Variants in C9 observed in about 807,000 individuals in gnomAD.
C9 encodes complement component C9.
C9 carries 63 observed loss-of-function variants against 65.4 expected under a neutral mutation model. The ratio of observed to expected loss-of-function variants is 0.96; its 90% CI spans 0.79 to 1.19. C9 has a LOEUF of 1.19. Among genes scored for constraint, C9 ranks in the 50% most tolerant of loss-of-function variants. The pLI is 0.00. For missense variants in C9, 744 were observed against 670.1 expected, an observed-to-expected ratio of 1.11 and a Z score of -1.22; for synonymous variants, 229 against 227.9, an observed-to-expected ratio of 1.00 and a Z score of -0.04.
chr5:39,347,579 A>T (rs2111967480), intron 1 of C9, among the ~76,000 whole-genome samples: 1 of 152,332 alleles, frequency 6.6e-6, no homozygotes, highest in East Asian at 1.9e-4. Context: ...CAATATCGTG[A>T]AAATGGCCGT....
intron 5 of C9, among the ~76,000 whole-genome samples, chr5:39,327,372 A>T (rs1228972193): frequency 6.6e-6 from 1 of 152,214 alleles, no homozygotes; most frequent in Non-Finnish European, 1.5e-5. Flanking sequence ...CTACATGAGA[A>T]GTGATGGGAG....
intron 6 of C9, among the ~76,000 whole-genome samples, chr5:39,313,967 C>T (rs1301479298): frequency 2.0e-5 from 3 of 152,064 alleles, no homozygotes; most frequent in African/African-American, 7.2e-5. Context: ...TTGCTCAGGC[C>T]AAAAACCTTG....
chr5:39,333,847 C>T (rs538172394), intron 4 of C9, among the ~76,000 whole-genome samples: 22 of 152,228 alleles, frequency 1.4e-4, no homozygotes, highest in South Asian at 4.1e-4. Context: ...CTCCTAACCG[C>T]GAGTGATCCG....
In C9 at chr5:39,285,097, A is replaced by G. The variant is rs1245455649; in HGVS notation, c.*102T>C. The G allele has an allele frequency of 1.9e-5, 18 of 943,906 alleles. No individual in the cohort carries two copies. Among genetic ancestry groups the G allele is most frequent in the Non-Finnish European group, 3.1e-5 (18 of 571,854 alleles). The allele number at this position is 943,906 out of a possible 1,614,324, so 58.5% of individuals were successfully genotyped here. Reference sequence around the variant, plus strand: ...TCAGAGGTTGGTAGGATTTTCATGAAGCATGTTGCTATTTACTTGGCAGCT... The same window carrying G: ...TCAGAGGTTGGTAGGATTTTCATGAGGCATGTTGCTATTTACTTGGCAGCT... On this transcript the variant is annotated 3_prime_UTR_variant, in exon 11 of 11. Coordinates refer to ENST00000263408, the MANE Select transcript of C9 (RefSeq NM_001737.5).
intron 1 of C9, among the ~76,000 whole-genome samples, chr5:39,363,250 G>A (rs372697460): frequency 8.2e-4 from 125 of 152,280 alleles, no homozygotes; most frequent in South Asian, 7.7e-3. Flanking sequence ...ATGGAAAGAG[G>A]AGGGATGAAG....
intron 7 of C9, among the ~76,000 whole-genome samples, chr5:39,310,238 G>T (rs886264187): frequency 6.6e-6 from 1 of 151,976 alleles, no homozygotes; most frequent in Non-Finnish European, 1.5e-5. Context: ...CTTAACACCT[G>T]ATACCTTGAC....
chr5:39,327,232 T>A (rs1292704510), intron 5 of C9, among the ~76,000 whole-genome samples: 2 of 152,140 alleles, frequency 1.3e-5, no homozygotes, highest in African/African-American at 4.8e-5. Context: ...AGGCTATAGA[T>A]AGACACTCAC....
At chr5:39,298,664 C>T (rs1753230216) in intron 9 of C9, among the ~76,000 whole-genome samples, 1 of 151,562 alleles carries the variant, frequency 6.6e-6, no homozygotes, top group Non-Finnish European at 1.5e-5. Flanking sequence ...GTGAATTCTA[C>T]AAACATTTAA....
chr5:39,355,018 G>A (rs1232002511), intron 1 of C9, among the ~76,000 whole-genome samples: 1 of 152,152 alleles, frequency 6.6e-6, no homozygotes, highest in Non-Finnish European at 1.5e-5. Context: ...TGCTGTTGTT[G>A]CCTTGAACTG....
At position 39,288,221 on chromosome 5, in the gene C9, G is replaced by C. The variant is rs182315842; in HGVS notation, c.1645+502C>G. On this transcript the variant is annotated intron_variant, in intron 10 of 10. Transcript: ENST00000263408. The stretch of plus-strand genomic sequence containing the variant: ...ACATACCAACTTAATGAAAGTGACT[G>C]TATCTGAGTAGTAGAAGAGAGAAAA... 3.0e-3 allele frequency among the ~76,000 whole-genome samples: 460 copies of C among 151,924 alleles called. 1 individual carries two copies. Among genetic ancestry groups the C allele is most frequent in the African/African-American group, 0.011 (450 of 41,526 alleles).
At chr5:39,328,268 T>C (rs1753785710) in intron 5 of C9, among the ~76,000 whole-genome samples, 1 of 152,204 alleles carries the variant, frequency 6.6e-6, no homozygotes, top group Admixed American at 6.5e-5. Context: ...GTATTCTCTG[T>C]CAAGTTGGAG....
rs765507796 is a variant in C9 at position 39,288,902 on chromosome 5, A to AG, written c.1465dup (p.Leu489ProfsTer11). 57 of 1,611,388 alleles carry AG rather than the reference A, an allele frequency of 3.5e-5. No homozygotes were observed. The highest frequency in any genetic ancestry group is 5.0e-5 in the Admixed American group (3 of 59,810). On this transcript the variant is annotated frameshift_variant, in exon 10 of 11. Transcript: ENST00000263408. LOFTEE classifies it high-confidence loss of function. The stretch of plus-strand genomic sequence containing the variant: ...GGCTCTTTCCAAGTTTTGTTTCTTT[A>AG]GGTGTGCATTTTTCATTTTCACTGG...
chr5:39,361,618 C>T (rs77090135), intron 1 of C9, among the ~76,000 whole-genome samples: 10 of 152,254 alleles, frequency 6.6e-5, no homozygotes, highest in East Asian at 1.9e-4. Flanking sequence ...TTACTTAAGG[C>T]GCAGAGCCAG....
Position 39,364,415 on chromosome 5 carries a change from C to T in C9, c.50G>A (p.Ser17Asn). The T allele has an allele frequency of 6.2e-7, 1 of 1,607,848 alleles. No homozygotes were observed. Among genetic ancestry groups the T allele is most frequent in the African/African-American group, 1.3e-5 (1 of 74,868 alleles). The change falls in exon 1 of 11, where the codon AGC becomes AAC. Residue 17 changes from serine (S) to asparagine (N), a missense_variant. Coordinates refer to ENST00000263408, the MANE Select transcript of C9 (RefSeq NM_001737.5). ...FAVAICILEI[S>N]ILTAQYTTSY... ...GGTCGTGTACTGTGCTGTGAGGATG[C>T]TTATTTCTAAAATGCAGATTGCAAC... is the stretch of plus-strand genomic sequence containing the variant.
At position 39,312,438 on chromosome 5, in the gene C9, A is replaced by T. The variant is rs1029534139; in HGVS notation, c.871-1061T>A. On this transcript the variant is annotated intron_variant, in intron 6 of 10. Transcript: ENST00000263408. ...TTATTTGTCCCAAAACATATGAATA[A>T]TACTTGACAGCATTGGTACTAAAAA... Among the ~76,000 whole-genome samples, 3 of 152,338 alleles carry T rather than the reference A, an allele frequency of 2.0e-5. No individual in the cohort carries two copies. The East Asian group carries it at 5.8e-4, about 29-fold the overall frequency.
intron 6 of C9, among the ~76,000 whole-genome samples, chr5:39,314,175 C>T (rs1015978847): frequency 5.3e-5 from 8 of 152,146 alleles, no homozygotes; most frequent in South Asian, 2.1e-4. Context: ...GTAGGCTGGG[C>T]GCGGTGGCTC....
At chr5:39,359,887 C>T (rs1457440000) in intron 1 of C9, among the ~76,000 whole-genome samples, 2 of 152,216 alleles carry the variant, frequency 1.3e-5, no homozygotes, top group Admixed American at 1.3e-4. Flanking sequence ...ACGTCTGGCT[C>T]ATTCGACAAA....
At chr5:39,322,725 G>C (rs1048366174) in intron 5 of C9, among the ~76,000 whole-genome samples, 9 of 152,088 alleles carry the variant, frequency 5.9e-5, no homozygotes, top group African/African-American at 2.2e-4. Context: ...AAATGTAGTT[G>C]GGCCTGCAAT....
At chr5:39,356,652 C>T (rs139427902) in intron 1 of C9, among the ~76,000 whole-genome samples, 171 of 152,330 alleles carry the variant, frequency 1.1e-3, no homozygotes, top group African/African-American at 3.9e-3. Context: ...GAAGGCAGAA[C>T]TCATGGGAAT....
Sources: gnomAD v4.1 joint callset for allele counts (sites outside exome capture counted in the v4.1 genomes callset) on GRCh38, gnomAD v4.1.1 for gene constraint, MANE v1.5 for transcripts, NCBI Gene and HGNC (gene_info 2026-07-23, HGNC 2026-07-21) for gene names.